GLYATL2: variants seen among roughly 807,000 people sequenced by gnomAD.
The protein encoded by GLYATL2 is glycine N-acyltransferase-like protein 2.
Under a neutral mutation model 21.4 loss-of-function variants are expected in GLYATL2, and 25 were observed. The observed-to-expected ratio is 1.17, with a 90% confidence interval of 0.85 to 1.63. GLYATL2 has a LOEUF of 1.63. Among genes scored for constraint, GLYATL2 ranks in the 40% most tolerant of loss-of-function variants. GLYATL2 has a pLI of 0.00. For missense variants in GLYATL2, 361 were observed against 343.3 expected (o/e 1.05, Z -0.41); for synonymous variants, 114 against 118.2 (o/e 0.96, Z 0.23).
chr11:58,871,818 C>A (rs1196029600), intron 1 of GLYATL2, among the ~76,000 whole-genome samples: 2 of 152,146 alleles, frequency 1.3e-5, no homozygotes, highest in Admixed American at 1.3e-4. Context: ...ATGGCTGGGT[C>A]AATTGGTATT....
At chr11:58,906,475 G>T (rs967302947), upstream of GLYATL2, among the ~76,000 whole-genome samples, 3 of 152,136 alleles carry the variant, frequency 2.0e-5, no homozygotes, top group African/African-American at 4.8e-5. Flanking sequence ...AGTTCCTGGG[G>T]TGTAGTGAGG....
intron 1 of GLYATL2, among the ~76,000 whole-genome samples, chr11:58,853,257 G>A (rs1853772540): frequency 6.6e-6 from 1 of 152,332 alleles, no homozygotes; most frequent in South Asian, 2.1e-4. Flanking sequence ...CAACATAGGT[G>A]TGAACTGCAT....
chr11:58,882,252 G>A (rs1319520972), intron 1 of GLYATL2, among the ~76,000 whole-genome samples: 1 of 152,156 alleles, frequency 6.6e-6, no homozygotes, highest in Non-Finnish European at 1.5e-5. Flanking sequence ...GTTGTTTCCT[G>A]ACTTTTTAAT....
intron 1 of GLYATL2, among the ~76,000 whole-genome samples, chr11:58,899,475 A>G (rs1036443125): frequency 2.0e-5 from 3 of 152,260 alleles, no homozygotes; most frequent in Non-Finnish European, 4.4e-5. Context: ...AAAACAACAC[A>G]TGATTTGACG....
intron 1 of GLYATL2, among the ~76,000 whole-genome samples, chr11:58,874,667 T>A: frequency 6.6e-6 from 1 of 152,226 alleles, no homozygotes; most frequent in East Asian, 1.9e-4. Flanking sequence ...TTTGTTATAA[T>A]TTCTGTTCTT....
rs935779247 is a variant in GLYATL2 at position 58,871,287 on chromosome 11, AT to A, written n.60+32868del. Among the ~76,000 whole-genome samples the A allele has an allele frequency of 4.2e-3, 642 of 151,300 alleles. 6 individuals carry two copies. The highest frequency in any genetic ancestry group is 0.014 in the African/African-American group (588 of 41,214). On this transcript the variant is annotated intron_variant and non_coding_transcript_variant, in intron 1 of 4. Coordinates refer to the GLYATL2 transcript ENST00000533636. ...TTTATTTTATTTTATTTATTTATTT[AT>A]TTATTATTATTATACTTTAAGTTTT...
At chr11:58,873,358 T>C (rs1854161845) in intron 1 of GLYATL2, among the ~76,000 whole-genome samples, 1 of 152,154 alleles carries the variant, frequency 6.6e-6, no homozygotes, top group Non-Finnish European at 1.5e-5. Flanking sequence ...ATCCCTGTCT[T>C]GTGCCAGTTT....
chr11:58,892,804 G>T, intron 1 of GLYATL2: 1 of 322,586 alleles, frequency 3.1e-6, no homozygotes, highest in South Asian at 7.4e-5. Flanking sequence ...TTGGAAGTAG[G>T]GATGAGATAG....
At chr11:58,883,156 T>A (rs888670725) in intron 1 of GLYATL2, among the ~76,000 whole-genome samples, 1 of 152,232 alleles carries the variant, frequency 6.6e-6, no homozygotes, top group Non-Finnish European at 1.5e-5. Flanking sequence ...AACATGGACA[T>A]TTTCACAATA....
At chr11:58,879,164 T>C (rs1268254312) in intron 1 of GLYATL2, among the ~76,000 whole-genome samples, 1 of 40,682 alleles carries the variant, frequency 2.5e-5, no homozygotes, top group Non-Finnish European at 4.6e-5. Flanking sequence ...TTAACTATGG[T>C]TCCAGTCCCT....
chr11:58,873,719 T>C (rs1854169696), intron 1 of GLYATL2, among the ~76,000 whole-genome samples: 1 of 152,236 alleles, frequency 6.6e-6, no homozygotes, highest in Admixed American at 6.5e-5. Context: ...TGCATCAATG[T>C]TCATCAAGGA....
chr11:58,888,679 A>G (rs1416004385), intron 1 of GLYATL2, among the ~76,000 whole-genome samples: 1 of 151,654 alleles, frequency 6.6e-6, no homozygotes, highest in Non-Finnish European at 1.5e-5. Flanking sequence ...TGTTTTTGTG[A>G]TAAATTTTAA....
intron 1 of GLYATL2, among the ~76,000 whole-genome samples, chr11:58,870,015 G>C (rs1312649658): frequency 6.6e-6 from 1 of 152,102 alleles, no homozygotes; most frequent in Non-Finnish European, 1.5e-5. Context: ...GACTGAGGTG[G>C]GAAGATTGCT....
intron 1 of GLYATL2, among the ~76,000 whole-genome samples, chr11:58,896,310 T>A (rs1369865344): frequency 6.6e-6 from 1 of 152,176 alleles, no homozygotes; most frequent in Non-Finnish European, 1.5e-5. Context: ...GAGCCCTATG[T>A]AAATCAGACA....
upstream of GLYATL2, among the ~76,000 whole-genome samples, chr11:58,846,232 A>AT (rs201939129): frequency 1.3e-5 from 2 of 152,104 alleles, no homozygotes; most frequent in South Asian, 2.1e-4. Flanking sequence ...GAGCCATTAA[A>AT]TTTTTTTTAT....
chr11:58,901,332 G>T (rs1249676086), intron 1 of GLYATL2, among the ~76,000 whole-genome samples: 2 of 152,152 alleles, frequency 1.3e-5, no homozygotes, highest in African/African-American at 4.8e-5. Context: ...AGATTTTCAT[G>T]CATCATACAT....
In GLYATL2 at chr11:58,834,202, T is replaced by C. The variant is rs1590709482; in HGVS notation, c.*227A>G. 3 of 370,868 alleles carry C rather than the reference T, an allele frequency of 8.1e-6. No individual in the cohort carries two copies. Among genetic ancestry groups the C allele is most frequent in the Non-Finnish European group, 1.4e-5 (3 of 209,158 alleles). The allele number at this position is 370,868 out of a possible 1,614,324, so 23.0% of individuals were successfully genotyped here. A position where few individuals can be genotyped will look rare whatever the true frequency, so the allele number is the denominator to read the frequency against. On this transcript the variant is annotated 3_prime_UTR_variant, in exon 6 of 6. Coordinates refer to ENST00000287275, the MANE Select transcript of GLYATL2 (RefSeq NM_145016.4). Reference sequence around the variant, plus strand: ...AATGATTGGCTTTGGGTGATTTTAATTCTGAGATGTCTGTCATAAAGGAAA... The same window carrying C: ...AATGATTGGCTTTGGGTGATTTTAACTCTGAGATGTCTGTCATAAAGGAAA...
At chr11:58,882,561 G>T (rs1854359486) in intron 1 of GLYATL2, among the ~76,000 whole-genome samples, 1 of 152,066 alleles carries the variant, frequency 6.6e-6, no homozygotes, top group African/African-American at 2.4e-5. Flanking sequence ...AGTTTCTTTT[G>T]CCATGCAGAA....
At chr11:58,904,565 T>G (rs185164158), upstream of GLYATL2, among the ~76,000 whole-genome samples, 1 of 152,228 alleles carries the variant, frequency 6.6e-6, no homozygotes, top group African/African-American at 2.4e-5. Context: ...TGTGCAATGA[T>G]TTACTCTCCG....
Sources: gnomAD v4.1 joint callset for allele counts (sites outside exome capture counted in the v4.1 genomes callset) on GRCh38, gnomAD v4.1.1 for gene constraint, MANE v1.5 for transcripts, NCBI Gene and HGNC (gene_info 2026-07-23, HGNC 2026-07-21) for gene names.